Variants in TBC1D32 observed in about 807,000 individuals in gnomAD.
TBC1D32 encodes the protein protein broad-minded.
A neutral mutation model predicts 170.3 loss-of-function variants in TBC1D32; 151 were observed. The observed-to-expected ratio is 0.89, with a 90% CI of 0.78 to 1.01. TBC1D32 has a LOEUF of 1.01. Ranked by LOEUF, TBC1D32 falls within the 50% of genes least tolerant of loss-of-function variation. TBC1D32 has a pLI of 0.00. For synonymous variants in TBC1D32, 498 were observed against 488.0 expected (o/e 1.02, Z -0.27); for missense variants, 1,464 against 1,457.1 (o/e 1.00, Z -0.08).
upstream of TBC1D32, chr6:121,334,567 G>A (rs373111993): frequency 2.9e-6 from 3 of 1,040,176 alleles, no homozygotes; most frequent in Non-Finnish European, 4.1e-6. Flanking sequence ...GAGCGCCTGT[G>A]CCTGCGCCCT....
At chr6:121,287,057 T>C (rs935619352) in intron 12 of TBC1D32, among the ~76,000 whole-genome samples, 2 of 152,102 alleles carry the variant, frequency 1.3e-5, no homozygotes, top group African/African-American at 4.8e-5. Flanking sequence ...CATGCCAAAT[T>C]GTAGAGACCA....
chr6:121,097,018 C>T (rs113595552), intron 30 of TBC1D32, among the ~76,000 whole-genome samples: 11,779 of 152,150 alleles, frequency 0.077, 905 homozygotes, highest in African/African-American at 0.2. Flanking sequence ...AACTGGACCC[C>T]TTCCTTATAC....
chr6:121,127,070 T>A (rs762685278), intron 25 of TBC1D32, among the ~76,000 whole-genome samples: 3 of 152,104 alleles, frequency 2.0e-5, no homozygotes, highest in Non-Finnish European at 4.4e-5. Flanking sequence ...CAACCCAGAG[T>A]TTGTTGTGGT....
intron 22 of TBC1D32, among the ~76,000 whole-genome samples, chr6:121,178,162 G>A (rs184967342): frequency 4.9e-4 from 75 of 152,208 alleles, no homozygotes; most frequent in Admixed American, 3.3e-3. Flanking sequence ...GGGAAACTGC[G>A]CCCATGATTC....
chr6:121,202,290 A>AAG (rs1554267240), intron 22 of TBC1D32, among the ~76,000 whole-genome samples: 17 of 150,426 alleles, frequency 1.1e-4, no homozygotes, highest in East Asian at 1.9e-4. Flanking sequence ...AAAAAAAAAA[A>AAG]AAAGAAAGAA....
intron 12 of TBC1D32, among the ~76,000 whole-genome samples, chr6:121,291,645 T>C (rs941611705): frequency 1.3e-5 from 2 of 152,146 alleles, no homozygotes; most frequent in African/African-American, 4.8e-5. Flanking sequence ...ATTTGCAACC[T>C]CATTTCTCTG....
intron 22 of TBC1D32, among the ~76,000 whole-genome samples, chr6:121,168,700 C>A (rs1326127662): frequency 3.4e-5 from 2 of 59,190 alleles, no homozygotes; most frequent in African/African-American, 1.3e-4. Flanking sequence ...TACCCTAAAA[C>A]TTAGAGTATA....
chr6:121,250,573 G>A (rs1798161764), intron 17 of TBC1D32, among the ~76,000 whole-genome samples: 1 of 152,104 alleles, frequency 6.6e-6, no homozygotes, highest in South Asian at 2.1e-4. Context: ...ACTAGGTATT[G>A]ATGGAACATA....
intron 31 of TBC1D32, among the ~76,000 whole-genome samples, chr6:121,085,432 A>C (rs1490307819): frequency 6.7e-6 from 1 of 149,850 alleles, no homozygotes; most frequent in Non-Finnish European, 1.5e-5. Flanking sequence ...ACCGGTAAGC[A>C]ATGTTTCTTC....
intron 27 of TBC1D32, 72 bp from the exon 28 acceptor site, chr6:121,113,249 G>T: frequency 1.0e-6 from 1 of 955,138 alleles, no homozygotes; most frequent in Non-Finnish European, 1.6e-6. Flanking sequence ...ACTTCTTTTA[G>T]CATAACTATG....
In TBC1D32 at chr6:121,255,318, T is replaced by C. The variant is rs749820436; in HGVS notation, c.2018+10A>G. On this transcript the variant is annotated intron_variant, in intron 17 of 31. Transcript: ENST00000398212. ...ATAATAAATGCATGACTTTCATCAA[T>C]TGTACTTACATGTTTTGGGATTCCT... The C allele has an allele frequency of 8.0e-6, 12 of 1,503,160 alleles. No homozygotes were observed. The Admixed American group carries it at 2.1e-4, about 26-fold the overall frequency. 93.1% of individuals were successfully genotyped at this position (1,503,160 alleles called of 1,614,324 possible).
At chr6:121,151,714 GTTA>G (rs1784236767) in intron 24 of TBC1D32, among the ~76,000 whole-genome samples, 1 of 152,186 alleles carries the variant, frequency 6.6e-6, no homozygotes, top group East Asian at 1.9e-4. Context: ...ATTTAGGATA[GTTA>G]GCTCTTCTTG....
chr6:121,190,073 GACACACACACACACACACAC>G (rs533974518), intron 22 of TBC1D32, among the ~76,000 whole-genome samples: 678 of 63,736 alleles, frequency 0.011, 19 homozygotes, highest in African/African-American at 0.04. Context: ...GCCCAATACA[GACACACACACACACACACAC>G]ACACACACAC....
chr6:121,170,436 C>A (rs1786810503), intron 22 of TBC1D32: 1 of 1,605,814 alleles, frequency 6.2e-7, no homozygotes, highest in Non-Finnish European at 8.5e-7. Context: ...AAGATATTTT[C>A]TTCTTGAGCA....
chr6:121,328,520 G>A (rs1012426324), intron 1 of TBC1D32, among the ~76,000 whole-genome samples: 4 of 151,706 alleles, frequency 2.6e-5, no homozygotes, highest in Non-Finnish European at 4.4e-5. Context: ...TCCTGACCTC[G>A]TGATCCACTC....
intron 27 of TBC1D32, 104 bp downstream of exon 27, chr6:121,115,068 G>C: frequency 1.3e-6 from 1 of 779,488 alleles, no homozygotes; most frequent in Non-Finnish European, 1.9e-6. Context: ...TGCATTTAAA[G>C]TATACAAAAT....
chr6:121,266,474 A>T (rs1800499736), intron 15 of TBC1D32, among the ~76,000 whole-genome samples: 1 of 152,196 alleles, frequency 6.6e-6, no homozygotes, highest in Non-Finnish European at 1.5e-5. Flanking sequence ...GTGGGAATGT[A>T]AATTAGTTCA....
chr6:121,176,638 C>A (rs785402), intron 22 of TBC1D32, among the ~76,000 whole-genome samples: 143,594 of 151,310 alleles, frequency 0.95, 68,542 homozygotes, highest in Non-Finnish European at 1. Context: ...CACTCTTGTC[C>A]CCCAGGCTGG....
At chr6:121,135,726 C>T (rs1781981796) in intron 24 of TBC1D32, among the ~76,000 whole-genome samples, 1 of 152,142 alleles carries the variant, frequency 6.6e-6, no homozygotes, top group Non-Finnish European at 1.5e-5. Flanking sequence ...GGGTTATAAA[C>T]TGAATAATTC....
Sources: allele counts gnomAD v4.1 joint callset (sites outside exome capture counted in the v4.1 genomes callset), GRCh38; gene constraint gnomAD v4.1.1; transcripts MANE v1.5; gene names NCBI Gene and HGNC (gene_info 2026-07-23, HGNC 2026-07-21).